TGFBR2: variants seen among roughly 807,000 people sequenced by gnomAD.
TGFBR2 encodes transforming growth factor beta receptor 2.
Under a neutral mutation model 49.0 loss-of-function variants are expected in TGFBR2, and 18 were observed. That is an observed-to-expected ratio of 0.37 (90% confidence interval 0.25 to 0.54). The LOEUF (loss-of-function observed/expected upper bound fraction) is 0.54. TGFBR2 is among the 20% of genes least tolerant of loss of function. The pLI is 0.85. For synonymous variants in TGFBR2, 282 were observed against 275.9 expected (o/e 1.02, Z -0.22); for missense variants, 525 against 722.6 (o/e 0.73, Z 3.13).
intron 3 of TGFBR2, among the ~76,000 whole-genome samples, chr3:30,667,325 G>A (rs1165789884): frequency 5.9e-5 from 9 of 152,200 alleles, no homozygotes; most frequent in Non-Finnish European, 5.9e-5. Context: ...TACACCAACA[G>A]CTGTTGGGTT....
intron 4 of TGFBR2, among the ~76,000 whole-genome samples, 163 bp from the exon 5 acceptor site, chr3:30,673,942 C>T (rs985462660): frequency 3.9e-5 from 6 of 152,080 alleles, no homozygotes; most frequent in African/African-American, 1.2e-4. Flanking sequence ...TAAAAAATAA[C>T]CATCTATCTG....
At chr3:30,618,149 A>G (rs2125449055) in intron 1 of TGFBR2, among the ~76,000 whole-genome samples, 1 of 152,026 alleles carries the variant, frequency 6.6e-6, no homozygotes, top group Non-Finnish European at 1.5e-5. Context: ...GTCATCCTTC[A>G]TGAGTCTTTT....
At chr3:30,685,972 C>T (rs979504083) in intron 5 of TGFBR2, among the ~76,000 whole-genome samples, 1 of 152,138 alleles carries the variant, frequency 6.6e-6, no homozygotes, top group Non-Finnish European at 1.5e-5. Flanking sequence ...GTACATATAT[C>T]TCAAGGTATG....
chr3:30,654,295 T>A (rs1698953824), intron 3 of TGFBR2, among the ~76,000 whole-genome samples: 2 of 152,188 alleles, frequency 1.3e-5, no homozygotes, highest in African/African-American at 4.8e-5. Context: ...ATAGATGCCC[T>A]TTCCTCAGAG....
At chr3:30,621,225 C>A (rs948201693) in intron 1 of TGFBR2, among the ~76,000 whole-genome samples, 7 of 151,752 alleles carry the variant, frequency 4.6e-5, no homozygotes, top group African/African-American at 1.7e-4. Context: ...CTGGTAGTGC[C>A]CTACCTGCTC....
intron 3 of TGFBR2, among the ~76,000 whole-genome samples, chr3:30,670,524 C>T (rs1699318650): frequency 6.6e-6 from 1 of 152,172 alleles, no homozygotes; most frequent in South Asian, 2.1e-4. Flanking sequence ...CATGTTTGCC[C>T]AATGAAAGCA....
chr3:30,645,199 T>A (rs913646067), intron 2 of TGFBR2, among the ~76,000 whole-genome samples: 19 of 152,152 alleles, frequency 1.2e-4, no homozygotes, highest in African/African-American at 4.6e-4. Context: ...ATCTGGAAAC[T>A]CTTTCTTGTA....
intron 1 of TGFBR2, among the ~76,000 whole-genome samples, chr3:30,611,939 G>A (rs1239017139): frequency 6.6e-6 from 1 of 152,188 alleles, no homozygotes; most frequent in Non-Finnish European, 1.5e-5. Context: ...AACTTCAGCA[G>A]ATTTAAGTTA....
chr3:30,641,198 G>A (rs1484090321), intron 1 of TGFBR2, among the ~76,000 whole-genome samples: 1 of 152,100 alleles, frequency 6.6e-6, no homozygotes, highest in Non-Finnish European at 1.5e-5. Context: ...CTTCTCAGAT[G>A]ATCTACAAAT....
intron 1 of TGFBR2, among the ~76,000 whole-genome samples, chr3:30,610,505 A>G (rs1575127702): frequency 6.6e-6 from 1 of 152,114 alleles, no homozygotes; most frequent in African/African-American, 2.4e-5. Context: ...GATGGACCCA[A>G]TGCGTTCATT....
chr3:30,650,915 G>A (rs538713413), intron 3 of TGFBR2, among the ~76,000 whole-genome samples: 37 of 152,268 alleles, frequency 2.4e-4, no homozygotes, highest in African/African-American at 8.9e-4. Context: ...TTTAATCTTG[G>A]AGGAGGACTT....
intron 3 of TGFBR2, among the ~76,000 whole-genome samples, chr3:30,654,386 C>G (rs1698956636): frequency 1.3e-5 from 2 of 152,134 alleles, no homozygotes; most frequent in African/African-American, 4.8e-5. Context: ...CTACCCTTAA[C>G]CCTGGAATCC....
intron 3 of TGFBR2, among the ~76,000 whole-genome samples, chr3:30,651,188 G>C (rs554554703): frequency 6.6e-6 from 1 of 152,276 alleles, no homozygotes; most frequent in Admixed American, 6.5e-5. Context: ...TACAAAAGTA[G>C]TATATGCTCG....
Position 30,644,737 on chromosome 3 carries a change from C to T in TGFBR2, c.95-10C>T. 1 of 1,613,636 alleles carries T rather than the reference C, an allele frequency of 6.2e-7. No homozygotes were observed. Among genetic ancestry groups the T allele is most frequent in the South Asian group, 1.1e-5 (1 of 91,034 alleles). ...GGATAATCATTTAATATATCTTTCT[C>T]TCTCCTCAGTTAATAACGACATGAT... On this transcript the variant is annotated splice_polypyrimidine_tract_variant and intron_variant, in intron 1 of 6. Coordinates refer to ENST00000295754, the MANE Select transcript of TGFBR2 (RefSeq NM_003242.6).
intron 3 of TGFBR2, among the ~76,000 whole-genome samples, chr3:30,665,821 C>T (rs1575154987): frequency 6.6e-6 from 1 of 152,180 alleles, no homozygotes; most frequent in Non-Finnish European, 1.5e-5. Flanking sequence ...CCCCTTCTCA[C>T]TGTGATGTTT....
rs1699338168 is a variant in TGFBR2 at position 30,671,632 on chromosome 3, C to T, written c.455-6C>T. ...TCCTTCTCTCCTTGTTTTGTTTCCC[C>T]ATCAGAATATAACACCAGCAATCCT... is the stretch of plus-strand genomic sequence containing the variant. On this transcript the variant is annotated splice_region_variant and splice_polypyrimidine_tract_variant and intron_variant, in intron 3 of 6. Transcript: ENST00000295754. 6.2e-7 allele frequency: 1 copy of T among 1,614,032 alleles called. No homozygotes were observed. Among genetic ancestry groups the T allele is most frequent in the Admixed American group, 1.7e-5 (1 of 60,014 alleles).
intron 1 of TGFBR2, among the ~76,000 whole-genome samples, chr3:30,624,547 C>T (rs973380622): frequency 4.7e-5 from 7 of 150,532 alleles, no homozygotes; most frequent in African/African-American, 1.2e-4. Flanking sequence ...ACCTGGGAGG[C>T]GGAGGTTGCA....
chr3:30,623,644 G>A (rs1450346316), intron 1 of TGFBR2, among the ~76,000 whole-genome samples: 2 of 152,164 alleles, frequency 1.3e-5, no homozygotes, highest in Non-Finnish European at 2.9e-5. Flanking sequence ...GTAGACAAAT[G>A]CTGCCATGTG....
chr3:30,680,388 C>G (rs114771442), intron 5 of TGFBR2, among the ~76,000 whole-genome samples: 1 of 152,076 alleles, frequency 6.6e-6, no homozygotes, highest in Non-Finnish European at 1.5e-5. Context: ...CTTTATTTCC[C>G]TAAAGATATA....
Sources: gnomAD v4.1 joint callset for allele counts (sites outside exome capture counted in the v4.1 genomes callset) on GRCh38, gnomAD v4.1.1 for gene constraint, MANE v1.5 for transcripts, NCBI Gene and HGNC (gene_info 2026-07-23, HGNC 2026-07-21) for gene names.